NUBPL: variants seen among roughly 807,000 people sequenced by gnomAD.
The protein encoded by NUBPL is NUBP iron-sulfur cluster assembly factor, mitochondrial.
In NUBPL, 31 loss-of-function variants were observed where a neutral mutation model predicts 45.7. The ratio of observed to expected loss-of-function variants is 0.68; its 90% CI spans 0.51 to 0.92. The LOEUF (loss-of-function observed/expected upper bound fraction) is 0.92. Among genes scored for constraint, NUBPL ranks in the 40% least tolerant of loss-of-function variants. The pLI, the probability that NUBPL is intolerant of heterozygous loss-of-function variation, is 0.00. For missense variants in NUBPL, 401 were observed against 398.7 expected (o/e 1.01, Z -0.05); for synonymous variants, 144 against 140.9 (o/e 1.02, Z -0.15).
At chr14:31,722,348 G>A (rs191127235) in intron 6 of NUBPL, among the ~76,000 whole-genome samples, 6 of 152,162 alleles carry the variant, frequency 3.9e-5, no homozygotes, top group Admixed American at 3.9e-4. Context: ...TCATTGAAGC[G>A]CATTTAGGTT....
chr14:31,821,192 G>A (rs2040012480), intron 7 of NUBPL, among the ~76,000 whole-genome samples: 1 of 151,942 alleles, frequency 6.6e-6, no homozygotes, highest in Admixed American at 6.6e-5. Context: ...ATGGACAAAT[G>A]GGATCACATC....
At chr14:31,579,039 A>G (rs967893361) in intron 3 of NUBPL, among the ~76,000 whole-genome samples, 1 of 152,218 alleles carries the variant, frequency 6.6e-6, no homozygotes, top group Admixed American at 6.5e-5. Context: ...AAGGAAGTCT[A>G]GGTTCCCTGC....
At chr14:31,744,199 ACT>A (rs1225027313) in intron 6 of NUBPL, among the ~76,000 whole-genome samples, 1 of 152,204 alleles carries the variant, frequency 6.6e-6, no homozygotes, top group Non-Finnish European at 1.5e-5. Context: ...AGGCTAAGTC[ACT>A]CAGCCTTATG....
chr14:31,672,847 A>T (rs2036604009), intron 4 of NUBPL, among the ~76,000 whole-genome samples: 1 of 152,244 alleles, frequency 6.6e-6, no homozygotes, highest in African/African-American at 2.4e-5. Flanking sequence ...TATGCTTGGT[A>T]TAATGTTTAA....
intron 6 of NUBPL, among the ~76,000 whole-genome samples, chr14:31,693,800 TAA>T (rs60070958): frequency 0.1 from 9,808 of 94,610 alleles, 457 homozygotes; most frequent in South Asian, 0.12. Context: ...AAGACAAAAT[TAA>T]AAAAAAAAAA....
chr14:31,724,932 G>A lies in NUBPL; in HGVS notation c.513+51358G>A, dbSNP rs549915472. On this transcript the variant is annotated intron_variant, in intron 6 of 10. Coordinates refer to ENST00000281081, the MANE Select transcript of NUBPL (RefSeq NM_025152.3). Reference sequence around the variant, plus strand: ...ACTTGAATGGAAGGAAAGGGAGTGAGCCATCCAGGTATTTGGAGGAAGAAC... The same window carrying A: ...ACTTGAATGGAAGGAAAGGGAGTGAACCATCCAGGTATTTGGAGGAAGAAC... Among the ~76,000 whole-genome samples the A allele has an allele frequency of 1.2e-4, 18 of 152,182 alleles. No homozygotes were observed. The South Asian group carries it at 1.2e-3, about 11-fold the overall frequency.
chr14:31,676,772 TTATTTA>T (rs1472443162), intron 6 of NUBPL, among the ~76,000 whole-genome samples: 1 of 151,532 alleles, frequency 6.6e-6, no homozygotes, highest in Non-Finnish European at 1.5e-5. Context: ...TTTTTTATTT[TTATTTA>T]TTTATTTTTT....
intron 6 of NUBPL, among the ~76,000 whole-genome samples, chr14:31,689,549 A>T (rs777481053): frequency 1.4e-4 from 22 of 152,046 alleles, no homozygotes; most frequent in Non-Finnish European, 2.6e-4. Context: ...TTCCTTACAG[A>T]TGCTGGATAT....
At position 31,801,782 on chromosome 14, in the gene NUBPL, A is replaced by G. The variant is rs560560126; in HGVS notation, c.607+13909A>G. The stretch of plus-strand genomic sequence containing the variant: ...CTGAGCAACTGAGAGGGAAGCTATC[A>G]TGATCCCTTCTTTGTTCCCTCTGTG... On this transcript the variant is annotated intron_variant, in intron 7 of 10. Coordinates refer to ENST00000281081, the MANE Select transcript of NUBPL (RefSeq NM_025152.3). Among the ~76,000 whole-genome samples, 11 of 152,338 alleles carry G rather than the reference A, an allele frequency of 7.2e-5. No homozygotes were observed. The South Asian group carries it at 1.2e-3, about 17-fold the overall frequency.
intron 6 of NUBPL, among the ~76,000 whole-genome samples, chr14:31,728,936 A>G (rs1029335344): frequency 1.3e-5 from 2 of 152,198 alleles, no homozygotes; most frequent in African/African-American, 2.4e-5. Flanking sequence ...AATTGAAATA[A>G]TTAAGGAGTT....
intron 4 of NUBPL, among the ~76,000 whole-genome samples, chr14:31,646,341 C>T (rs781426262): frequency 2.6e-5 from 4 of 152,070 alleles, no homozygotes; most frequent in Non-Finnish European, 5.9e-5. Context: ...CACCCGCCCC[C>T]ACGCCTGGCT....
At chr14:31,702,309 T>C (rs78962467) in intron 6 of NUBPL, among the ~76,000 whole-genome samples, 29 of 152,304 alleles carry the variant, frequency 1.9e-4, no homozygotes, top group East Asian at 9.6e-4. Context: ...AGAGTTTTTA[T>C]TGGGGCTCCG....
At chr14:31,568,931 C>CT (rs1253471168) in intron 3 of NUBPL, among the ~76,000 whole-genome samples, 1 of 152,108 alleles carries the variant, frequency 6.6e-6, no homozygotes, top group Non-Finnish European at 1.5e-5. Context: ...GAACATTTTT[C>CT]TTTTCTATTT....
rs544319161 is a variant in NUBPL, at chr14:31,622,853, G to C, written c.382+23474G>C. Among the ~76,000 whole-genome samples, 283 of 152,374 alleles carry C rather than the reference G, an allele frequency of 1.9e-3. 2 individuals carry two copies. Among genetic ancestry groups the C allele is most frequent in the African/African-American group, 6.6e-3 (273 of 41,590 alleles). On this transcript the variant is annotated intron_variant, in intron 4 of 10. Coordinates refer to ENST00000281081, the MANE Select transcript of NUBPL (RefSeq NM_025152.3). ...GGGCAATGCAGAGGGGGATATGTTA[G>C]ATTGGAGCCCCCACAGAGTCCCTAC...
In NUBPL at chr14:31,741,300, G is replaced by C. The variant is rs751478328; in HGVS notation, c.514-46480G>C. On this transcript the variant is annotated intron_variant, in intron 6 of 10. Transcript: ENST00000281081. ...TATGAGTACATCTCAGTTTTTTAATGAGCCTTTGCCTCTGGAATGTGAAGT... is the reference window on the plus strand; with the variant it reads ...TATGAGTACATCTCAGTTTTTTAATCAGCCTTTGCCTCTGGAATGTGAAGT... 2.2e-4 allele frequency among the ~76,000 whole-genome samples: 33 copies of C among 152,270 alleles called. 1 individual carries two copies. The Middle Eastern group carries it at 0.01, about 47-fold the overall frequency.
chr14:31,568,293 T>A (rs910062025), intron 3 of NUBPL, among the ~76,000 whole-genome samples: 2 of 152,238 alleles, frequency 1.3e-5, no homozygotes, highest in South Asian at 4.1e-4. Context: ...GAAGTAACTA[T>A]GTAATAAGGG....
At chr14:31,816,955 A>G (rs574623075) in intron 7 of NUBPL, among the ~76,000 whole-genome samples, 55 of 151,862 alleles carry the variant, frequency 3.6e-4, no homozygotes, top group African/African-American at 1.3e-3. Context: ...TCCAACTGCT[A>G]ACTAGAATAA....
chr14:31,829,598 T>C (rs565821925), intron 8 of NUBPL, among the ~76,000 whole-genome samples: 3 of 152,154 alleles, frequency 2.0e-5, no homozygotes, highest in Non-Finnish European at 4.4e-5. Context: ...CAAAAAAAGA[T>C]GTTATGCTTT....
rs527594294 is a variant in NUBPL, at chr14:31,860,981, G to C, written c.*1801G>C. ...GATTAGTGGTGGCTGTGTTAAGGAG[G>C]GGGTGAGGATGGGAGAGAATTGGGC... On this transcript the variant is annotated 3_prime_UTR_variant, in exon 11 of 11. Coordinates refer to ENST00000281081, the MANE Select transcript of NUBPL (RefSeq NM_025152.3). 3 of 152,204 alleles carry C rather than the reference G, an allele frequency of 2.0e-5. No homozygotes were observed. The highest frequency in any genetic ancestry group is 3.2e-3 in the Middle Eastern group (1 of 316). 9.4% of individuals were successfully genotyped at this position (152,204 alleles called of 1,614,324 possible).
Sources: allele counts gnomAD v4.1 joint callset (sites outside exome capture counted in the v4.1 genomes callset), GRCh38; gene constraint gnomAD v4.1.1; transcripts MANE v1.5; gene names NCBI Gene and HGNC (gene_info 2026-07-23, HGNC 2026-07-21).